KNCN: variants seen among roughly 807,000 people sequenced by gnomAD.
KNCN encodes kinocilin.
In KNCN, 11 loss-of-function variants were observed where a neutral mutation model predicts 10.4. The observed-to-expected ratio is 1.06, with a 90% confidence interval of 0.67 to 1.75. KNCN has a LOEUF of 1.75. KNCN is among the 40% of genes most tolerant of loss of function. The pLI is 0.00. For synonymous variants in KNCN, 67 were observed against 71.6 expected (o/e 0.94, Z 0.33); for missense variants, 172 against 167.1 (o/e 1.03, Z -0.16).
chr1:46,550,801 G>C (rs1667050641), intron 1 of KNCN, among the ~76,000 whole-genome samples: 3 of 152,182 alleles, frequency 2.0e-5, no homozygotes, highest in South Asian at 2.1e-4. Context: ...AGAGCTTGGG[G>C]CTGGAGAGCC....
chr1:46,549,982 G>A lies in KNCN; in HGVS notation c.172C>T (p.Pro58Ser), dbSNP rs1255782059. The change falls in exon 2 of 4, where the codon CCC (proline) becomes TCC (serine). Residue 58 changes from proline to serine, a missense_variant. Transcript: ENST00000481882. Reference protein sequence around the residue: ...AVLGLLILAYPFLKARFNLDH... With the variant: ...AVLGLLILAYSFLKARFNLDH... ...AGGTTGAACCGAGCCTTCAGGAAGG[G>A]GTAGGCCAAGATGAGGAGCCCTGAG... The A allele has an allele frequency of 6.4e-7, 1 of 1,550,542 alleles. No homozygotes were observed. The highest frequency in any genetic ancestry group is 8.7e-7 in the Non-Finnish European group (1 of 1,146,994).
intron 3 of KNCN, among the ~76,000 whole-genome samples, chr1:46,548,467 A>G (rs1030145035): frequency 1.3e-5 from 2 of 152,062 alleles, no homozygotes; most frequent in Admixed American, 1.3e-4. Context: ...GTCCCCTGGC[A>G]TGTCCCCCCC....
chr1:46,549,766 T>C (rs1462425191), intron 2 of KNCN, 168 bp downstream of exon 2: 13 of 1,286,216 alleles, frequency 1.0e-5, no homozygotes, highest in African/African-American at 8.8e-5. Flanking sequence ...TCTGTAGTCA[T>C]GGCAACGCCT....
At position 46,547,800 on chromosome 1, in the gene KNCN, C is replaced by T; in HGVS notation, c.305G>A (p.Ser102Asn). Reference sequence around the variant, plus strand: ...GGTCCTGCTCACGGTGGACAGGCTGCTGCGGGCTCCTGGGGGAGAGAACAG... The same window carrying T: ...GGTCCTGCTCACGGTGGACAGGCTGTTGCGGGCTCCTGGGGGAGAGAACAG... ...STNGNKEGAR[S>N]SLSTVSRTLE... Residue 102 changes from serine to asparagine, a missense_variant, in exon 4 of 4, where the codon AGC becomes AAC. Coordinates refer to ENST00000481882, the MANE Select transcript of KNCN (RefSeq NM_001322255.2). The T allele has an allele frequency of 6.9e-7, 1 of 1,457,832 alleles. No individual in the cohort carries two copies. Among genetic ancestry groups the T allele is most frequent in the Non-Finnish European group, 9.1e-7 (1 of 1,104,778 alleles). 90.3% of individuals were successfully genotyped at this position (1,457,832 alleles called of 1,614,324 possible).
rs569278096 is a variant in KNCN, at chr1:46,548,484, T to G, written c.296-675A>C. Reference sequence around the variant, plus strand: ...CCCCTGGCATGTCCCCCCCTCCCCATTCTATCCCAGCTCTGCCCTGGGCAC... The same window carrying G: ...CCCCTGGCATGTCCCCCCCTCCCCAGTCTATCCCAGCTCTGCCCTGGGCAC... On this transcript the variant is annotated intron_variant, in intron 3 of 3. Coordinates refer to ENST00000481882, the MANE Select transcript of KNCN (RefSeq NM_001322255.2). 1.6e-4 allele frequency among the ~76,000 whole-genome samples: 24 copies of G among 152,202 alleles called. No individual in the cohort carries two copies. In the East Asian group the frequency reaches 4.5e-3, roughly 28 times the overall value.
Position 46,546,956 on chromosome 1 carries a change from G to T in KNCN, c.*774C>A, listed in dbSNP as rs771546353. On this transcript the variant is annotated 3_prime_UTR_variant, in exon 4 of 4. Transcript: ENST00000481882. Reference sequence around the variant, plus strand: ...AGGGTGCTGGAGAACACAGGGCAAAGCTTGGAGACAGGAATGTGTTTTGCT... The same window carrying T: ...AGGGTGCTGGAGAACACAGGGCAAATCTTGGAGACAGGAATGTGTTTTGCT... The T allele has an allele frequency of 7.0e-5, 12 of 171,030 alleles. No individual in the cohort carries two copies. The highest frequency in any genetic ancestry group is 3.9e-5 in the Non-Finnish European group (3 of 77,726). 10.6% of individuals were successfully genotyped at this position (171,030 alleles called of 1,614,324 possible).
In KNCN at chr1:46,550,049, G is replaced by A. The variant is rs765246065; in HGVS notation, c.152-47C>T. On this transcript the variant is annotated intron_variant, in intron 1 of 3. Transcript: ENST00000481882. ...TCTGTGATGGGGAGGAGCCTGGTGAGTGTTGAGGCTGTGGGTGGGCTGGGA... is the reference window on the plus strand; with the variant it reads ...TCTGTGATGGGGAGGAGCCTGGTGAATGTTGAGGCTGTGGGTGGGCTGGGA... 55 of 1,550,162 alleles carry A rather than the reference G, an allele frequency of 3.5e-5. 2 individuals carry two copies. In the South Asian group the frequency reaches 5.9e-4, roughly 17 times the overall value.
chr1:46,547,856 C>A, intron 3 of KNCN, 47 bp from the exon 4 acceptor site: 1 of 1,359,416 alleles, frequency 7.4e-7, no homozygotes, highest in Non-Finnish European at 9.8e-7. Context: ...GACAGGTCCC[C>A]ATGGAGTTGT....
intron 1 of KNCN, among the ~76,000 whole-genome samples, chr1:46,550,752 C>A (rs1667049931): frequency 1.3e-5 from 2 of 152,172 alleles, no homozygotes; most frequent in Non-Finnish European, 2.9e-5. Flanking sequence ...CTGTTCCGCC[C>A]AGATAGGCTG....
rs1240111941 is a variant in KNCN, at chr1:46,547,220, A to G, written c.*510T>C. 2.2e-5 allele frequency: 8 copies of G among 355,704 alleles called. No individual in the cohort carries two copies. The highest frequency in any genetic ancestry group is 4.4e-5 in the Non-Finnish European group (8 of 180,212). 22.0% of individuals were successfully genotyped at this position (355,704 alleles called of 1,614,324 possible). A position where few individuals can be genotyped will look rare whatever the true frequency, so the allele number is the denominator to read the frequency against. On this transcript the variant is annotated 3_prime_UTR_variant, in exon 4 of 4. Coordinates refer to ENST00000481882, the MANE Select transcript of KNCN (RefSeq NM_001322255.2). ...AACTGCCAGGAGTTTTGATATTTGG[A>G]AAAGAATCTTGTCTAGCCCCTCTAT...
At chr1:46,549,444 C>T (rs1212619001) in intron 2 of KNCN, among the ~76,000 whole-genome samples, 177 bp from the exon 3 acceptor site, 1 of 152,150 alleles carries the variant, frequency 6.6e-6, no homozygotes, top group Non-Finnish European at 1.5e-5. Context: ...AGAAAAAGAA[C>T]TGGGCCCTTG....
rs755547562 is a variant in KNCN at position 46,547,566 on chromosome 1, G to A, written c.*164C>T. 6.5e-5 allele frequency: 47 copies of A among 717,742 alleles called. No individual in the cohort carries two copies. Among genetic ancestry groups the A allele is most frequent in the Non-Finnish European group, 4.9e-5 (19 of 390,306 alleles). The allele number at this position is 717,742 out of a possible 1,614,324, so 44.5% of individuals were successfully genotyped here. ...GAATCCATTTTGGAGAGGCTTGGCC[G>A]GGCGAGTGCAAAAGGCCCCATTCCA... On this transcript the variant is annotated 3_prime_UTR_variant, in exon 4 of 4. Coordinates refer to ENST00000481882, the MANE Select transcript of KNCN (RefSeq NM_001322255.2).
At chr1:46,548,748 T>A (rs1448150882) in intron 3 of KNCN, among the ~76,000 whole-genome samples, 1 of 152,092 alleles carries the variant, frequency 6.6e-6, no homozygotes, top group East Asian at 1.9e-4. Context: ...CTGGGGAAAG[T>A]GCCAGCAGTA....
At chr1:46,550,527 G>GGGGGC (rs1667043780) in intron 1 of KNCN, among the ~76,000 whole-genome samples, 1 of 144,760 alleles carries the variant, frequency 6.9e-6, no homozygotes, top group South Asian at 2.5e-4. Flanking sequence ...TGGCCTGGGC[G>GGGGGC]GGGGCGGGGG....
chr1:46,546,490 T>C lies in KNCN; in HGVS notation c.*1240A>G, dbSNP rs1310798430. Reference sequence around the variant, plus strand: ...GAAGGACGTGATTTCTAGCTTGTCTTCTGCTCACTAAACCAGGCCAGAGGC... The same window carrying C: ...GAAGGACGTGATTTCTAGCTTGTCTCCTGCTCACTAAACCAGGCCAGAGGC... On this transcript the variant is annotated 3_prime_UTR_variant, in exon 4 of 4. Transcript: ENST00000481882. 6.6e-6 allele frequency: 1 copy of C among 152,274 alleles called. No individual in the cohort carries two copies. Among genetic ancestry groups the C allele is most frequent in the Non-Finnish European group, 1.5e-5 (1 of 68,078 alleles). 9.4% of individuals were successfully genotyped at this position (152,274 alleles called of 1,614,324 possible).
At chr1:46,549,899 C>T in intron 2 of KNCN, 35 bp downstream of exon 2, 1 of 1,550,528 alleles carries the variant, frequency 6.4e-7, no homozygotes, top group Non-Finnish European at 8.7e-7. Flanking sequence ...CAGTCCTTGG[C>T]AGAGGGGTCT....
intron 2 of KNCN, 174 bp downstream of exon 2, chr1:46,549,760 T>C (rs753973704): frequency 2.5e-6 from 3 of 1,217,086 alleles, no homozygotes; most frequent in South Asian, 1.5e-5. Flanking sequence ...TGCCGTTCTG[T>C]AGTCATGGCA....
At chr1:46,549,556 G>A (rs533826418) in intron 2 of KNCN, among the ~76,000 whole-genome samples, 4 of 152,244 alleles carry the variant, frequency 2.6e-5, no homozygotes, top group Admixed American at 6.5e-5. Flanking sequence ...TGTATGTGGG[G>A]AGCTGAGATG....
Position 46,549,974 on chromosome 1 carries a change from C to T in KNCN, c.180G>A (p.Leu60=). The T allele has an allele frequency of 6.4e-7, 1 of 1,550,610 alleles. No individual in the cohort carries two copies. Among genetic ancestry groups the T allele is most frequent in the Non-Finnish European group, 8.7e-7 (1 of 1,146,980 alleles). ...TGTGGTCCAGGTTGAACCGAGCCTT[C>T]AGGAAGGGGTAGGCCAAGATGAGGA... ...LGLLILAYPF[L]KARFNLDHIL... Residue 60 remains leucine (L), a synonymous_variant, in exon 2 of 4, where the codon CTG becomes CTA. Transcript: ENST00000481882.
Sources: gnomAD v4.1 joint callset for allele counts (sites outside exome capture counted in the v4.1 genomes callset) on GRCh38, gnomAD v4.1.1 for gene constraint, MANE v1.5 for transcripts, NCBI Gene and HGNC (gene_info 2026-07-23, HGNC 2026-07-21) for gene names.